The following CFTR variants were observed in gnomAD, a reference collection of about 807,000 sequenced individuals.
CFTR encodes cystic fibrosis transmembrane conductance regulator.
Under a neutral mutation model 171.6 loss-of-function variants are expected in CFTR, and 181 were observed. The observed-to-expected ratio is 1.05, with a 90% confidence interval of 0.93 to 1.19. The LOEUF (loss-of-function observed/expected upper bound fraction) is 1.19, where lower values mean the gene tolerates loss of function less well. CFTR is among the 50% of genes most tolerant of loss of function. The pLI, the probability that CFTR is intolerant of heterozygous loss-of-function variation, is 0.00. For synonymous variants in CFTR, 583 were observed against 608.0 expected, an observed-to-expected ratio of 0.96 and a Z score of 0.60; for missense variants, 1,968 against 1,734.7, an observed-to-expected ratio of 1.13 and a Z score of -2.39.
At chr7:117,659,284 C>G (rs554490053) in intron 24 of CFTR, among the ~76,000 whole-genome samples, 1 of 152,166 alleles carries the variant, frequency 6.6e-6, no homozygotes, top group Non-Finnish European at 1.5e-5. Flanking sequence ...CCTTTCATAG[C>G]ATTTCTCACT....
chr7:117,642,665 C>T, intron 23 of CFTR, 72 bp downstream of exon 23: 2 of 1,476,496 alleles, frequency 1.4e-6, no homozygotes. Context: ...TACTTGTACT[C>T]AAGAAATTCA....
At chr7:117,519,267 C>T (rs1335842727) in intron 3 of CFTR, among the ~76,000 whole-genome samples, 2 of 152,024 alleles carry the variant, frequency 1.3e-5, no homozygotes, top group East Asian at 3.9e-4. Context: ...GTGGATTAAG[C>T]GTGAATATGT....
intron 1 of CFTR, among the ~76,000 whole-genome samples, chr7:117,495,150 A>T (rs1283976959): frequency 1.3e-5 from 2 of 152,156 alleles, no homozygotes; most frequent in African/African-American, 4.8e-5. Flanking sequence ...CTTGTGAATA[A>T]AGAGCTCCTA....
In CFTR at chr7:117,627,611, A is replaced by G. The variant is rs1800121; in HGVS notation, c.3558A>G (p.Gln1186=). 721 of 1,613,382 alleles carry G rather than the reference A, an allele frequency of 4.5e-4. No individual in the cohort carries two copies. The highest frequency in any genetic ancestry group is 5.3e-4 in the Non-Finnish European group (629 of 1,179,602). The change falls in exon 22 of 27, where the codon CAA becomes CAG. Residue 1186 remains glutamine (Q), a synonymous_variant. Transcript: ENST00000003084. ...TKSTKPYKNG[Q]LSKVMIIENS... ...CAACCAAACCATACAAGAATGGCCA[A>G]CTCTCGAAAGTTATGATTATTGAGA...
chr7:117,581,195 C>T (rs1584807509), intron 11 of CFTR, among the ~76,000 whole-genome samples: 1 of 152,118 alleles, frequency 6.6e-6, no homozygotes, highest in Non-Finnish European at 1.5e-5. Context: ...CCTTAAGAAT[C>T]CTAGCCTTTA....
At chr7:117,492,152 G>A (rs1269633494) in intron 1 of CFTR, among the ~76,000 whole-genome samples, 2 of 151,972 alleles carry the variant, frequency 1.3e-5, no homozygotes, top group African/African-American at 4.8e-5. Context: ...AACTTAGGAA[G>A]AATATTTTGA....
chr7:117,652,828 C>CT lies in CFTR; in HGVS notation c.3874-8dup. 7.9e-7 allele frequency: 1 copy of CT among 1,270,198 alleles called. No homozygotes were observed. The highest frequency in any genetic ancestry group is 1.1e-6 in the Non-Finnish European group (1 of 872,328). 78.7% of individuals were successfully genotyped at this position (1,270,198 alleles called of 1,614,324 possible). On this transcript the variant is annotated splice_polypyrimidine_tract_variant and intron_variant, in intron 23 of 26. Transcript: ENST00000003084. Reference sequence around the variant, plus strand: ...GTTATTCATACTTTCTTCTTCTTTTCTTTTTTGCTATAGAAAGTATTTATT... The same window carrying CT: ...GTTATTCATACTTTCTTCTTCTTTTCTTTTTTTGCTATAGAAAGTATTTATT...
chr7:117,528,384 A>C (rs1798797829), intron 3 of CFTR, among the ~76,000 whole-genome samples: 1 of 102,636 alleles, frequency 9.7e-6, no homozygotes. Flanking sequence ...TTAAAGATTT[A>C]AACGTTAGAC....
At chr7:117,637,876 CA>C (rs1365468695) in intron 22 of CFTR, among the ~76,000 whole-genome samples, 4 of 147,024 alleles carry the variant, frequency 2.7e-5, no homozygotes, top group South Asian at 2.2e-4. Flanking sequence ...GACTCCGTCT[CA>C]AAAAAAAAAG....
At chr7:117,660,874 A>G (rs1449288248) in intron 24 of CFTR, among the ~76,000 whole-genome samples, 2 of 151,968 alleles carry the variant, frequency 1.3e-5, no homozygotes, top group Non-Finnish European at 2.9e-5. Context: ...CCCCTTTTGG[A>G]CCATAATTTC....
chr7:117,636,486 CT>C (rs925509448), intron 22 of CFTR, among the ~76,000 whole-genome samples: 10 of 151,626 alleles, frequency 6.6e-5, no homozygotes, highest in Non-Finnish European at 4.4e-5. Flanking sequence ...TTCTTCTGTT[CT>C]TTTTTTTCCT....
rs113993959 is a variant in CFTR at position 117,587,778 on chromosome 7, G to A, written c.1624G>A (p.Gly542Arg). The change falls in exon 12 of 27, where the codon GGA (glycine) becomes AGA (arginine). Residue 542 changes from glycine (G) to arginine (R), a missense_variant. By Grantham distance (125) the Gly-to-Arg change is moderately radical. Transcript: ENST00000003084. ...TGCAGAGAAAGACAATATAGTTCTTGGAGAAGGTGGAATCACACTGAGTGG... is the reference window on the plus strand; with the variant it reads ...TGCAGAGAAAGACAATATAGTTCTTAGAGAAGGTGGAATCACACTGAGTGG... ...KFAEKDNIVL[G>R]EGGITLSGGQ... The A allele has an allele frequency of 1.9e-6, 3 of 1,612,128 alleles. No homozygotes were observed. The South Asian group carries it at 3.3e-5, about 18-fold the overall frequency.
At chr7:117,530,122 A>G (rs993669838) in intron 3 of CFTR, among the ~76,000 whole-genome samples, 1 of 152,136 alleles carries the variant, frequency 6.6e-6, no homozygotes, top group Non-Finnish European at 1.5e-5. Flanking sequence ...TATATTTGGG[A>G]AAACATAACT....
At chr7:117,575,664 G>T (rs1791758828) in intron 11 of CFTR, among the ~76,000 whole-genome samples, 1 of 152,090 alleles carries the variant, frequency 6.6e-6, no homozygotes, top group South Asian at 2.1e-4. Flanking sequence ...TCCTTAGACT[G>T]CTCAGTGTTC....
intron 1 of CFTR, among the ~76,000 whole-genome samples, chr7:117,502,634 T>C (rs2116633110): frequency 6.6e-6 from 1 of 152,326 alleles, no homozygotes; most frequent in East Asian, 1.9e-4. Context: ...GTGCCATCAC[T>C]TTCTCAGATG....
intron 22 of CFTR, among the ~76,000 whole-genome samples, chr7:117,636,304 T>C (rs1349822541): frequency 6.6e-6 from 1 of 152,056 alleles, no homozygotes; most frequent in African/African-American, 2.4e-5. Flanking sequence ...TTTATGAACA[T>C]GATATGCCTT....
intron 11 of CFTR, among the ~76,000 whole-genome samples, chr7:117,570,497 G>C (rs1475457071): frequency 6.6e-6 from 1 of 152,128 alleles, no homozygotes; most frequent in Non-Finnish European, 1.5e-5. Flanking sequence ...CAAACTGGAA[G>C]GGGATAATGA....
At chr7:117,596,104 G>T (rs935442354) in intron 15 of CFTR, among the ~76,000 whole-genome samples, 1 of 152,152 alleles carries the variant, frequency 6.6e-6, no homozygotes, top group African/African-American at 2.4e-5. Flanking sequence ...TTCTGGGCTG[G>T]CCAAGGCCAG....
chr7:117,660,184 A>C (rs1793248902), intron 24 of CFTR, among the ~76,000 whole-genome samples: 1 of 152,096 alleles, frequency 6.6e-6, no homozygotes, highest in African/African-American at 2.4e-5. Context: ...TGATGTTTTC[A>C]TTTATTTATT....
Sources: gnomAD v4.1 joint callset for allele counts (sites outside exome capture counted in the v4.1 genomes callset) on GRCh38, gnomAD v4.1.1 for gene constraint, MANE v1.5 for transcripts, NCBI Gene and HGNC (gene_info 2026-07-23, HGNC 2026-07-21) for gene names.